Variants in SELP observed in about 807,000 individuals in gnomAD.
SELP encodes selectin P, also known as P-selectin.
SELP carries 92 observed loss-of-function variants against 104.1 expected under a neutral mutation model. The ratio of observed to expected loss-of-function variants is 0.88; its 90% CI spans 0.75 to 1.05. The LOEUF is 1.05. Ranked by LOEUF, SELP falls within the 50% of genes least tolerant of loss-of-function variation. The pLI is 0.00. For synonymous variants in SELP, 397 were observed against 364.5 expected (o/e 1.09, Z -1.01); for missense variants, 1,022 against 1,017.3 (o/e 1.00, Z -0.06).
Position 169,617,228 on chromosome 1 carries a change from A to T in SELP, c.281T>A (p.Ile94Asn). The T allele has an allele frequency of 1.2e-6, 2 of 1,613,976 alleles. No individual in the cohort carries two copies. The highest frequency in any genetic ancestry group is 1.7e-6 in the Non-Finnish European group (2 of 1,179,974). ...PYYSSYYWIGIRKNNKTWTWV... is the reference protein window; with the variant it reads ...PYYSSYYWIGNRKNNKTWTWV... ...TGTCCATGTCTTATTGTTCTTTCGGATCCCAATCCAGTAGTAGGAGCTGTA... is the reference window on the plus strand; with the variant it reads ...TGTCCATGTCTTATTGTTCTTTCGGTTCCCAATCCAGTAGTAGGAGCTGTA... Residue 94 changes from isoleucine (I) to asparagine (N), a missense_variant, in exon 3 of 17, where the codon ATC becomes AAC. Coordinates refer to ENST00000263686, the MANE Select transcript of SELP (RefSeq NM_003005.4).
At chr1:169,598,792 G>T (rs138833929) in intron 10 of SELP, among the ~76,000 whole-genome samples, 1 of 152,256 alleles carries the variant, frequency 6.6e-6, no homozygotes, top group East Asian at 1.9e-4. Context: ...ACACATAGGA[G>T]GGGTTCTACA....
In SELP at chr1:169,609,504, C is replaced by G. The variant is rs1257372539; in HGVS notation, c.1333G>C (p.Ala445Pro). Reference sequence around the variant, plus strand: ...AAAAACATTACCACTGTTACAGTACCTTGACAGACTGGGGCTGGTGCTGTC... The same window carrying G: ...AAAAACATTACCACTGTTACAGTACGTTGACAGACTGGGGCTGGTGCTGTC... ...QWTAPAPVCQ[A>P]LQCQDLPVPN... is the part of the protein sequence containing the mutation. Residue 445 changes from alanine to proline, a missense_variant and splice_region_variant, in exon 8 of 17, where the codon GCT (alanine) becomes CCT (proline). Coordinates refer to ENST00000263686, the MANE Select transcript of SELP (RefSeq NM_003005.4). 1 of 1,611,800 alleles carries G rather than the reference C, an allele frequency of 6.2e-7. No individual in the cohort carries two copies. Among genetic ancestry groups the G allele is most frequent in the African/African-American group, 1.3e-5 (1 of 74,824 alleles).
intron 3 of SELP, among the ~76,000 whole-genome samples, chr1:169,615,283 T>C (rs3917710): frequency 0.19 from 29,136 of 152,190 alleles, 3,540 homozygotes; most frequent in Middle Eastern, 0.29. Flanking sequence ...CTTTACATCT[T>C]AGATGGCAAA....
Position 169,597,051 on chromosome 1 carries a change from G to A in SELP, c.1831C>T (p.Pro611Ser), listed in dbSNP as rs1661659712. 5 of 1,613,226 alleles carry A rather than the reference G, an allele frequency of 3.1e-6. No homozygotes were observed. Among genetic ancestry groups the A allele is most frequent in the Non-Finnish European group, 4.2e-6 (5 of 1,179,566 alleles). The change falls in exon 11 of 17, where the codon CCC becomes TCC. Residue 611 changes from proline (P) to serine (S), a missense_variant. Transcript: ENST00000263686. ...GAAGTTGTGCATTCCACATTATTGG[G>A]CCCCTCCAGCTTAAAGCCGTTGTCA... is the stretch of plus-strand genomic sequence containing the variant. ...SCDNGFKLEG[P>S]NNVECTTSGR...
In SELP at chr1:169,619,117, C is replaced by A; in HGVS notation, c.94+12G>T. The A allele has an allele frequency of 6.2e-7, 1 of 1,605,064 alleles. No individual in the cohort carries two copies. The highest frequency in any genetic ancestry group is 1.7e-5 in the Admixed American group (1 of 59,948). Reference sequence around the variant, plus strand: ...TACTTAGGCCTAAGTGAAAAGTTAGCATAAAGTTTACCAGAGATCAGGGCA... The same window carrying A: ...TACTTAGGCCTAAGTGAAAAGTTAGAATAAAGTTTACCAGAGATCAGGGCA... On this transcript the variant is annotated intron_variant, in intron 2 of 16. Coordinates refer to ENST00000263686, the MANE Select transcript of SELP (RefSeq NM_003005.4).
At position 169,612,253 on chromosome 1, in the gene SELP, A is replaced by C; in HGVS notation, c.925T>G (p.Ser309Ala). The C allele has an allele frequency of 6.2e-7, 1 of 1,614,134 alleles. No homozygotes were observed. The highest frequency in any genetic ancestry group is 8.5e-7 in the Non-Finnish European group (1 of 1,180,002). The change falls in exon 6 of 17, where the codon TCG becomes GCG. Residue 309 changes from serine to alanine, a missense_variant. Transcript: ENST00000263686. Reference protein sequence around the residue: ...VGPEVVQCTASGVWTAPAPVC... With the variant: ...VGPEVVQCTAAGVWTAPAPVC... ...GGGGCTGGGGCTGTCCATACCCCCG[A>C]GGCTGTGCATTGCACCACTTCCGGT...
intron 6 of SELP, 79 bp from the exon 7 acceptor site, chr1:169,611,756 C>T: frequency 7.2e-7 from 1 of 1,388,354 alleles, no homozygotes; most frequent in Non-Finnish European, 1.0e-6. Flanking sequence ...GTGGAACCAC[C>T]TCTGAAATGC....
At position 169,594,790 on chromosome 1, in the gene SELP, C is replaced by T; in HGVS notation, c.2189G>A (p.Cys730Tyr). ...LWGNFSYGSI[C>Y]SFHCLEGQLL... ...CTGGCCCTCTAGACAATGGAAAGAG[C>T]AGATTGATCCATAACTGAAGTTTCC... The change falls in exon 13 of 17, where the codon TGC becomes TAC. Residue 730 changes from cysteine (C) to tyrosine (Y), a missense_variant. Coordinates refer to ENST00000263686, the MANE Select transcript of SELP (RefSeq NM_003005.4). 6.2e-7 allele frequency: 1 copy of T among 1,613,810 alleles called. No homozygotes were observed. Among genetic ancestry groups the T allele is most frequent in the Non-Finnish European group, 8.5e-7 (1 of 1,179,796 alleles).
intron 10 of SELP, among the ~76,000 whole-genome samples, chr1:169,597,391 C>T (rs1397313918): frequency 6.6e-6 from 1 of 152,172 alleles, no homozygotes; most frequent in East Asian, 1.9e-4. Flanking sequence ...AGTATAGGTA[C>T]AAGTCACGAA....
intron 11 of SELP, among the ~76,000 whole-genome samples, 164 bp from the exon 12 acceptor site, chr1:169,596,298 G>GA (rs1272982590): frequency 1.3e-5 from 2 of 152,302 alleles, no homozygotes; most frequent in East Asian, 3.9e-4. Context: ...GTCAGAGATA[G>GA]AAAACCAGAT....
chr1:169,621,938 A>C (rs1202856668), intron 1 of SELP, among the ~76,000 whole-genome samples: 1 of 152,202 alleles, frequency 6.6e-6, no homozygotes, highest in Non-Finnish European at 1.5e-5. Context: ...CTGAAGTGGA[A>C]TTCTTCAAAC....
chr1:169,618,685 C>A (rs192054949), intron 2 of SELP, among the ~76,000 whole-genome samples: 44 of 152,306 alleles, frequency 2.9e-4, no homozygotes, highest in Admixed American at 9.2e-4. Flanking sequence ...CTGATATAGC[C>A]AGGGCTGCAT....
In SELP at chr1:169,609,555, C is replaced by A. The variant is rs991241164; in HGVS notation, c.1282G>T (p.Val428Phe). Residue 428 changes from valine (V) to phenylalanine (F), a missense_variant, in exon 8 of 17, where the codon GTT becomes TTT. Physicochemically the swap from Val to Phe is conservative, Grantham distance 50. Transcript: ENST00000263686. ...CACTGTCCCAAGTTATCACACCGAACTATATCGGCTCCTCTCAGCATGAAA... is the reference window on the plus strand; with the variant it reads ...CACTGTCCCAAGTTATCACACCGAAATATATCGGCTCCTCTCAGCATGAAA... ...EGFMLRGADI[V>F]RCDNLGQWTA... 6 of 1,614,072 alleles carry A rather than the reference C, an allele frequency of 3.7e-6. No individual in the cohort carries two copies. Among genetic ancestry groups the A allele is most frequent in the Non-Finnish European group, 4.2e-6 (5 of 1,179,974 alleles).
rs1429938544 is a variant in SELP, at chr1:169,623,467, A to T, written c.4-4248T>A. On this transcript the variant is annotated intron_variant, in intron 1 of 16. Transcript: ENST00000263686. ...CCAAAAAGAGATGTTTCCCATTTTA[A>T]CCTGTTTGTTTGTTTGTTTGAACTT... Among the ~76,000 whole-genome samples the T allele has an allele frequency of 3.9e-5, 6 of 152,278 alleles. No individual in the cohort carries two copies. In the South Asian group the frequency reaches 1.0e-3, roughly 26 times the overall value.
intron 1 of SELP, among the ~76,000 whole-genome samples, chr1:169,625,010 C>T (rs1425454675): frequency 6.6e-6 from 1 of 152,122 alleles, no homozygotes; most frequent in Admixed American, 6.6e-5. Context: ...AATGTCCCTC[C>T]CTTGACCCTT....
intron 10 of SELP, among the ~76,000 whole-genome samples, chr1:169,600,255 A>T (rs183405601): frequency 6.6e-6 from 1 of 152,212 alleles, no homozygotes; most frequent in African/African-American, 2.4e-5. Flanking sequence ...ATAAAGTTCC[A>T]AAAAGCAAAA....
intron 6 of SELP, 129 bp from the exon 7 acceptor site, chr1:169,611,806 T>A (rs1662551660): frequency 1.1e-6 from 1 of 886,872 alleles, no homozygotes; most frequent in African/African-American, 1.7e-5. Context: ...GAGACCCTAA[T>A]GATGTTTGTC....
intron 14 of SELP, 90 bp downstream of exon 14, chr1:169,593,515 T>C (rs1209811381): frequency 7.4e-6 from 8 of 1,078,224 alleles, no homozygotes; most frequent in Non-Finnish European, 1.1e-5. Flanking sequence ...ACTGAAGTTG[T>C]GGTTTTTGCC....
intron 10 of SELP, among the ~76,000 whole-genome samples, chr1:169,597,891 T>G (rs1250540898): frequency 6.6e-6 from 1 of 152,180 alleles, no homozygotes. Flanking sequence ...ACTCGTAAAG[T>G]CTCTGAAGAC....
Sources: gnomAD v4.1 joint callset for allele counts (sites outside exome capture counted in the v4.1 genomes callset) on GRCh38, gnomAD v4.1.1 for gene constraint, MANE v1.5 for transcripts, NCBI Gene and HGNC (gene_info 2026-07-23, HGNC 2026-07-21) for gene names.